Variants in KTN1 observed in about 807,000 individuals in gnomAD.
KTN1 encodes the protein kinectin 1.
Under a neutral mutation model 222.5 loss-of-function variants are expected in KTN1, and 130 were observed. The observed-to-expected ratio is 0.58, with a 90% CI of 0.51 to 0.68. The LOEUF (loss-of-function observed/expected upper bound fraction) is 0.68, where lower values mean the gene tolerates loss of function less well. Among genes scored for constraint, KTN1 ranks in the 30% least tolerant of loss-of-function variants. The probability of loss-of-function intolerance (pLI) is 0.00; values close to 1 mark genes in which losing one functional copy is unlikely to be tolerated. For synonymous variants in KTN1, 512 were observed against 496.3 expected (o/e 1.03, Z -0.42); for missense variants, 1,508 against 1,500.4 (o/e 1.01, Z -0.08).
chr14:55,657,942 A>G (rs2043677273), intron 29 of KTN1, among the ~76,000 whole-genome samples: 1 of 152,046 alleles, frequency 6.6e-6, no homozygotes, highest in Non-Finnish European at 1.5e-5. Context: ...ATTTTCTTCT[A>G]ATGTGTTTAT....
chr14:55,600,767 G>T (rs1036477101), intron 1 of KTN1, among the ~76,000 whole-genome samples: 4 of 152,048 alleles, frequency 2.6e-5, no homozygotes, highest in African/African-American at 9.7e-5. Context: ...ATGTTCTTTT[G>T]TCTTCAAAAA....
rs1183277506 is a variant in KTN1, at chr14:55,672,652, C to T, written c.3554C>T (p.Ser1185Leu). Reference sequence around the variant, plus strand: ...CAGATGCAGTCATCATTTACATCTTCAGAACAAGAGCTAGAGCGATTAAGA... The same window carrying T: ...CAGATGCAGTCATCATTTACATCTTTAGAACAAGAGCTAGAGCGATTAAGA... ...IKQMQSSFTS[S>L]EQELERLRSE... The change falls in exon 38 of 44, where the codon TCA becomes TTA. Residue 1185 changes from serine to leucine, a missense_variant. Transcript: ENST00000395314. 2 of 1,607,064 alleles carry T rather than the reference C, an allele frequency of 1.2e-6. No homozygotes were observed. Among genetic ancestry groups the T allele is most frequent in the Non-Finnish European group, 1.7e-6 (2 of 1,174,278 alleles).
At chr14:55,656,799 G>A (rs922958631) in intron 29 of KTN1, among the ~76,000 whole-genome samples, 2 of 152,062 alleles carry the variant, frequency 1.3e-5, no homozygotes, top group Non-Finnish European at 2.9e-5. Context: ...CCAGTTGATG[G>A]ATACCTAGAT....
At chr14:55,637,731 G>T in intron 11 of KTN1, 48 bp from the exon 12 acceptor site, 2 of 1,346,378 alleles carry the variant, frequency 1.5e-6, no homozygotes, top group Non-Finnish European at 2.1e-6. Flanking sequence ...TATACATGGG[G>T]TTATTTATTA....
intron 1 of KTN1, among the ~76,000 whole-genome samples, chr14:55,608,036 C>T (rs1177744685): frequency 1.3e-5 from 2 of 152,198 alleles, no homozygotes; most frequent in Non-Finnish European, 2.9e-5. Flanking sequence ...ACTCAACAAA[C>T]ATGTATTGAA....
At chr14:55,644,406 T>C in intron 18 of KTN1, 1 of 702,540 alleles carries the variant, frequency 1.4e-6, no homozygotes, top group Non-Finnish European at 2.6e-6. Context: ...AGTTGTTGTT[T>C]CTTCAGGTGT....
intron 5 of KTN1, among the ~76,000 whole-genome samples, chr14:55,625,251 TA>T (rs34088612): frequency 0.076 from 11,639 of 152,308 alleles, 497 homozygotes; most frequent in South Asian, 0.11. Flanking sequence ...TGTTAGGTGC[TA>T]TAAATAGCAT....
intron 1 of KTN1, among the ~76,000 whole-genome samples, chr14:55,588,499 T>C (rs1273777247): frequency 2.0e-5 from 3 of 152,206 alleles, no homozygotes; most frequent in Non-Finnish European, 2.9e-5. Context: ...ATGAAAAATA[T>C]GCGAGAACTA....
chr14:55,632,187 T>A (rs534376797), intron 7 of KTN1, among the ~76,000 whole-genome samples: 1 of 152,340 alleles, frequency 6.6e-6, no homozygotes, highest in South Asian at 2.1e-4. Flanking sequence ...TCTTTTCTTC[T>A]TAATTCCTAA....
At chr14:55,581,969 C>CAATGTTGGGGT (rs1373832610) in intron 1 of KTN1, among the ~76,000 whole-genome samples, 1 of 151,180 alleles carries the variant, frequency 6.6e-6, no homozygotes, top group Non-Finnish European at 1.5e-5. Context: ...CATGAGTTTC[C>CAATGTTGGGGT]CTCCCACCCC....
At chr14:55,668,186 A>G (rs969043610) in intron 34 of KTN1, 1 of 152,154 alleles carries the variant, frequency 6.6e-6, no homozygotes, top group Admixed American at 6.6e-5. Flanking sequence ...TTAATTTTGT[A>G]TAGTATGCAT....
intron 34 of KTN1, among the ~76,000 whole-genome samples, chr14:55,670,476 T>C (rs186904937): frequency 6.6e-6 from 1 of 152,166 alleles, no homozygotes; most frequent in Non-Finnish European, 1.5e-5. Flanking sequence ...TTGAAAATAC[T>C]CTTGGTTAGG....
chr14:55,644,005 T>C (rs776859083), intron 18 of KTN1, among the ~76,000 whole-genome samples: 1 of 152,192 alleles, frequency 6.6e-6, no homozygotes, highest in Non-Finnish European at 1.5e-5. Context: ...ACTCATTTTG[T>C]GATACTAATT....
rs2045597589 is a variant in KTN1, at chr14:55,673,189, T to C, written c.3705T>C (p.Thr1235=). 1 of 1,612,752 alleles carries C rather than the reference T, an allele frequency of 6.2e-7. No homozygotes were observed. Among genetic ancestry groups the C allele is most frequent in the Non-Finnish European group, 8.5e-7 (1 of 1,179,148 alleles). ...TEVRELKDLL[T]ELQKKLDDSY... ...CATTGCAGCTGAAAGATCTGTTGAC[T>C]GAATTGCAGAAAAAACTTGATGATT... Residue 1235 remains threonine, a synonymous_variant, in exon 40 of 44, where the codon ACT becomes ACC. Transcript: ENST00000395314.
At chr14:55,588,349 G>A (rs2033448719) in intron 1 of KTN1, among the ~76,000 whole-genome samples, 3 of 152,108 alleles carry the variant, frequency 2.0e-5, no homozygotes, top group Admixed American at 2.0e-4. Context: ...GCAGACCTCA[G>A]TCTAAGTACA....
intron 33 of KTN1, among the ~76,000 whole-genome samples, 171 bp downstream of exon 33, chr14:55,664,212 T>A (rs970129394): frequency 2.6e-5 from 4 of 152,170 alleles, no homozygotes; most frequent in African/African-American, 9.6e-5. Context: ...GAAGCTTTAA[T>A]TTTGGGCATG....
Position 55,651,917 on chromosome 14 carries a change from C to A in KTN1, c.2593C>A (p.Leu865Ile). 6.4e-7 allele frequency: 1 copy of A among 1,569,458 alleles called. No individual in the cohort carries two copies. The highest frequency in any genetic ancestry group is 8.7e-7 in the Non-Finnish European group (1 of 1,145,590). The change falls in exon 25 of 44, where the codon CTT becomes ATT. Residue 865 changes from leucine (L) to isoleucine (I), a missense_variant. Transcript: ENST00000395314. ...ATCTATCACTTCCAAAGTTCAGGAG[C>A]TTCAGAACTTGTAAGTACCATTTAT... ...QLSITSKVQE[L>I]QNLLKGKEEQ...
At chr14:55,584,237 C>T (rs2032425987) in intron 1 of KTN1, among the ~76,000 whole-genome samples, 1 of 152,194 alleles carries the variant, frequency 6.6e-6, no homozygotes, top group Non-Finnish European at 1.5e-5. Context: ...TAGCTACTAT[C>T]ATCCCTCTGC....
chr14:55,621,249 A>T (rs904423802), intron 5 of KTN1, among the ~76,000 whole-genome samples: 1 of 152,100 alleles, frequency 6.6e-6, no homozygotes, highest in Admixed American at 6.5e-5. Flanking sequence ...GTCTCTAGGA[A>T]GTTCTAAACT....
Sources: allele counts gnomAD v4.1 joint callset (sites outside exome capture counted in the v4.1 genomes callset), GRCh38; gene constraint gnomAD v4.1.1; transcripts MANE v1.5; gene names NCBI Gene and HGNC (gene_info 2026-07-23, HGNC 2026-07-21).